Variants in EBF2 observed in about 807,000 individuals in gnomAD.
The protein encoded by EBF2 is transcription factor COE2.
EBF2 carries 21 observed loss-of-function variants against 72.8 expected under a neutral mutation model. The observed-to-expected ratio is 0.29, with a 90% confidence interval of 0.20 to 0.42. EBF2 has a LOEUF of 0.42. Among genes scored for constraint, EBF2 ranks in the 10% least tolerant of loss-of-function variants. The pLI is 1.00. For synonymous variants in EBF2, 299 were observed against 274.2 expected, an observed-to-expected ratio of 1.09 and a Z score of -0.89; for missense variants, 637 against 731.2, an observed-to-expected ratio of 0.87 and a Z score of 1.49.
intron 6 of EBF2, among the ~76,000 whole-genome samples, chr8:25,917,354 T>C (rs1255008888): frequency 2.0e-5 from 3 of 152,222 alleles, no homozygotes; most frequent in Non-Finnish European, 4.4e-5. Context: ...TTAATGAAAA[T>C]AATAATTGAA....
intron 1 of EBF2, among the ~76,000 whole-genome samples, chr8:26,042,879 G>T (rs117590758): frequency 6.6e-6 from 1 of 152,170 alleles, no homozygotes; most frequent in African/African-American, 2.4e-5. Context: ...TCGCTCTTCC[G>T]AAAAGTTGTG....
intron 3 of EBF2, 97 bp downstream of exon 3, chr8:26,040,842 C>T (rs923708736): frequency 6.4e-7 from 1 of 1,562,722 alleles, no homozygotes; most frequent in African/African-American, 1.3e-5. Flanking sequence ...GCCCTGGGCT[C>T]CATGCGATCC....
chr8:25,885,736 A>G (rs1430110447), intron 10 of EBF2, among the ~76,000 whole-genome samples: 3 of 152,100 alleles, frequency 2.0e-5, no homozygotes, highest in Non-Finnish European at 4.4e-5. Context: ...GTCACCATGT[A>G]AGATGTGCCT....
intron 6 of EBF2, among the ~76,000 whole-genome samples, chr8:26,004,265 C>T (rs1015768278): frequency 3.9e-5 from 6 of 152,086 alleles, no homozygotes; most frequent in African/African-American, 1.4e-4. Context: ...TCTAAACTGG[C>T]TAAATTTTGG....
chr8:25,962,602 G>T (rs1039851225), intron 6 of EBF2, among the ~76,000 whole-genome samples: 2 of 151,858 alleles, frequency 1.3e-5, no homozygotes, highest in Admixed American at 6.6e-5. Context: ...CAGCTAACAG[G>T]CTTCTCTATT....
chr8:26,009,613 C>T (rs904189707), intron 6 of EBF2, among the ~76,000 whole-genome samples: 1 of 152,138 alleles, frequency 6.6e-6, no homozygotes, highest in African/African-American at 2.4e-5. Context: ...AAATACCGCC[C>T]GCAAATTAAA....
intron 7 of EBF2, among the ~76,000 whole-genome samples, chr8:25,907,671 T>C (rs1396379640): frequency 1.3e-5 from 2 of 152,018 alleles, no homozygotes; most frequent in Non-Finnish European, 2.9e-5. Context: ...TCCCCATCTC[T>C]CTCATGGCTG....
intron 5 of EBF2, among the ~76,000 whole-genome samples, chr8:26,035,290 G>A (rs1301353353): frequency 2.6e-5 from 4 of 152,056 alleles, no homozygotes; most frequent in African/African-American, 9.7e-5. Context: ...GACAACAGGT[G>A]CACACCACCA....
chr8:25,902,659 C>A (rs570730086), intron 7 of EBF2, among the ~76,000 whole-genome samples: 50 of 152,192 alleles, frequency 3.3e-4, no homozygotes, highest in African/African-American at 1.1e-3. Flanking sequence ...ATTGGACAGA[C>A]AAACAAGAAC....
chr8:25,876,474 C>T (rs532640986), intron 10 of EBF2, among the ~76,000 whole-genome samples: 2 of 152,082 alleles, frequency 1.3e-5, no homozygotes, highest in African/African-American at 4.8e-5. Context: ...ATTCTCAGAC[C>T]CTCTCAGGAG....
chr8:25,884,113 C>G (rs1802649243), intron 10 of EBF2, among the ~76,000 whole-genome samples: 1 of 152,268 alleles, frequency 6.6e-6, no homozygotes, highest in South Asian at 2.1e-4. Flanking sequence ...AGTCCTTGCC[C>G]TGCCTGACTT....
At chr8:25,845,366 T>A (rs1000766072) in intron 15 of EBF2, among the ~76,000 whole-genome samples, 8 of 152,176 alleles carry the variant, frequency 5.3e-5, no homozygotes, top group African/African-American at 1.9e-4. Flanking sequence ...CCTGAGTAGC[T>A]GGGACTACAG....
At chr8:25,859,149 C>T (rs1365720887) in intron 13 of EBF2, among the ~76,000 whole-genome samples, 1 of 152,134 alleles carries the variant, frequency 6.6e-6, no homozygotes, top group Admixed American at 6.5e-5. Flanking sequence ...TGATTGGTGT[C>T]ACTGAGAAAA....
At chr8:25,975,951 T>C in intron 6 of EBF2, among the ~76,000 whole-genome samples, 1 of 152,172 alleles carries the variant, frequency 6.6e-6, no homozygotes, top group East Asian at 1.9e-4. Context: ...ACAGCTGTGG[T>C]CCAAACTATG....
At position 25,853,958 on chromosome 8, in the gene EBF2, G is replaced by C. The variant is rs576022944; in HGVS notation, c.1529-3197C>G. On this transcript the variant is annotated intron_variant, in intron 14 of 15. Coordinates refer to ENST00000520164, the MANE Select transcript of EBF2 (RefSeq NM_022659.4). Reference sequence around the variant, plus strand: ...AATTTTAGCAATGGTATCTCTGGCTGATGGGATTATGAATACCCTTAAATG... The same window carrying C: ...AATTTTAGCAATGGTATCTCTGGCTCATGGGATTATGAATACCCTTAAATG... Among the ~76,000 whole-genome samples, 18 of 152,208 alleles carry C rather than the reference G, an allele frequency of 1.2e-4. No individual in the cohort carries two copies. The South Asian group carries it at 3.7e-3, about 32-fold the overall frequency.
In EBF2 at chr8:26,033,688, G is replaced by A. The variant is rs140610355; in HGVS notation, c.483-535C>T. Among the ~76,000 whole-genome samples the A allele has an allele frequency of 2.9e-3, 445 of 152,134 alleles. 3 individuals are homozygous for A. The highest frequency in any genetic ancestry group is 0.01 in the African/African-American group (428 of 41,482). On this transcript the variant is annotated intron_variant, in intron 5 of 15. Coordinates refer to ENST00000520164, the MANE Select transcript of EBF2 (RefSeq NM_022659.4). ...GGGTTGATCTGTGCAGCAAACCACC[G>A]TGGCACATGTTTACCTGTGTAACAA...
intron 5 of EBF2, among the ~76,000 whole-genome samples, chr8:26,035,143 ATTT>A (rs11348637): frequency 8.2e-4 from 118 of 144,332 alleles, no homozygotes; most frequent in African/African-American, 1.2e-3. Context: ...CAGTCTTAGA[ATTT>A]TTTTTTTTTT....
At position 26,045,389 on chromosome 8, in the gene EBF2, C is replaced by A. The variant is rs896501824; in HGVS notation, c.-530G>T. 6.6e-6 allele frequency: 1 copy of A among 152,336 alleles called. No individual in the cohort carries two copies. Among genetic ancestry groups the A allele is most frequent in the African/African-American group, 2.4e-5 (1 of 41,446 alleles). The allele number at this position is 152,336 out of a possible 1,614,324, so 9.4% of individuals were successfully genotyped here. ...AGCCCGGCTGCAGCCGCGCGCGGGC[C>A]CCATGAATGGGTTACTACGGCCCTG... On this transcript the variant is annotated 5_prime_UTR_variant, in exon 1 of 16. Transcript: ENST00000520164.
In EBF2 at chr8:25,910,082, C is replaced by T. The variant is rs1025927229; in HGVS notation, c.552-1527G>A. Among the ~76,000 whole-genome samples, 87 of 152,230 alleles carry T rather than the reference C, an allele frequency of 5.7e-4. 2 individuals are homozygous for T. Among genetic ancestry groups the T allele is most frequent in the African/African-American group, 2.0e-3 (82 of 41,530 alleles). The stretch of plus-strand genomic sequence containing the variant: ...GAAAATGTTGTGCGTGGCTGTCCGA[C>T]CTCAGTGTTCAAATTCACAACCTGC... On this transcript the variant is annotated intron_variant, in intron 6 of 15. Transcript: ENST00000520164.
Sources: gnomAD v4.1 joint callset for allele counts (sites outside exome capture counted in the v4.1 genomes callset) on GRCh38, gnomAD v4.1.1 for gene constraint, MANE v1.5 for transcripts, NCBI Gene and HGNC (gene_info 2026-07-23, HGNC 2026-07-21) for gene names.